The following MPRIP variants were observed in gnomAD, a reference collection of about 807,000 sequenced individuals.
The protein encoded by MPRIP is myosin phosphatase Rho-interacting protein.
MPRIP carries 59 observed loss-of-function variants against 234.9 expected under a neutral mutation model. That is an observed-to-expected ratio of 0.25 (90% CI 0.20 to 0.31). The LOEUF is 0.31. Ranked by LOEUF, MPRIP falls within the 10% of genes least tolerant of loss-of-function variation. MPRIP has a pLI of 1.00. For synonymous variants in MPRIP, 1,144 were observed against 1,263.9 expected (o/e 0.91, Z 2.01); for missense variants, 2,436 against 3,071.0 (o/e 0.79, Z 4.89).
intron 3 of MPRIP, among the ~76,000 whole-genome samples, chr17:17,102,160 T>C (rs2144224495): frequency 6.6e-6 from 1 of 152,242 alleles, no homozygotes; most frequent in East Asian, 1.9e-4. Flanking sequence ...AACGCTGGAA[T>C]TACAGGCATG....
rs1290357911 is a variant in MPRIP, at chr17:17,189,965, T to G, written c.*5071T>G. 2 of 152,254 alleles carry G rather than the reference T, an allele frequency of 1.3e-5. No homozygotes were observed. Among genetic ancestry groups the G allele is most frequent in the Non-Finnish European group, 2.9e-5 (2 of 68,044 alleles). The allele number at this position is 152,254 out of a possible 1,614,324, so 9.4% of individuals were successfully genotyped here. A position where few individuals can be genotyped will look rare whatever the true frequency, so the allele number is the denominator to read the frequency against. ...GGGAACTTGCTTATTAAAAAGTTCCTTAGAATTAAGGTATCTACCCACTGT... is the reference window on the plus strand; with the variant it reads ...GGGAACTTGCTTATTAAAAAGTTCCGTAGAATTAAGGTATCTACCCACTGT... On this transcript the variant is annotated 3_prime_UTR_variant, in exon 24 of 24. Transcript: ENST00000651222.
intron 3 of MPRIP, among the ~76,000 whole-genome samples, chr17:17,086,706 G>A (rs1031020268): frequency 5.3e-5 from 8 of 152,184 alleles, no homozygotes; most frequent in Non-Finnish European, 2.9e-5. Flanking sequence ...TAGAGGGTAG[G>A]GGTCATAAGG....
intron 3 of MPRIP, among the ~76,000 whole-genome samples, chr17:17,101,694 T>C (rs892939381): frequency 6.6e-6 from 1 of 152,238 alleles, no homozygotes; most frequent in Non-Finnish European, 1.5e-5. Flanking sequence ...GTGTATATAT[T>C]TTCCTGCCTG....
At chr17:17,076,673 C>G (rs2089336245) in intron 2 of MPRIP, among the ~76,000 whole-genome samples, 1 of 152,172 alleles carries the variant, frequency 6.6e-6, no homozygotes, top group South Asian at 2.1e-4. Context: ...CTCTACAAGG[C>G]CTCTTTGCAA....
Position 17,164,718 on chromosome 17 carries a change from G to C in MPRIP, c.3127G>C (p.Val1043Leu). 7.7e-7 allele frequency: 1 copy of C among 1,293,732 alleles called. No homozygotes were observed. The highest frequency in any genetic ancestry group is 1.0e-6 in the Non-Finnish European group (1 of 985,136). The allele number at this position is 1,293,732 out of a possible 1,614,324, so 80.1% of individuals were successfully genotyped here. A position where few individuals can be genotyped will look rare whatever the true frequency, so the allele number is the denominator to read the frequency against. The change falls in exon 16 of 24, where the codon GTG (valine) becomes CTG (leucine). Residue 1043 changes from valine to leucine, a missense_variant. Val to Leu is a conservative substitution (Grantham distance 32, BLOSUM62 1). Transcript: ENST00000651222. ...GGCATTGCTGCAGAACCTAAAGGAA[G>C]TGGAAGACAAGGCCAGCGCCTATGA... ...KQALLQNLKE[V>L]EDKASAYEDQ...
chr17:17,118,485 G>A (rs1373482178), intron 3 of MPRIP, among the ~76,000 whole-genome samples: 1 of 152,210 alleles, frequency 6.6e-6, no homozygotes, highest in East Asian at 1.9e-4. Context: ...GACACCTGAG[G>A]ACAGGCATTG....
chr17:17,107,411 G>T (rs867594599), intron 3 of MPRIP, among the ~76,000 whole-genome samples: 1 of 152,224 alleles, frequency 6.6e-6, no homozygotes, highest in East Asian at 1.9e-4. Context: ...CCAGACAGAG[G>T]CTGGGTGCTA....
intron 1 of MPRIP, among the ~76,000 whole-genome samples, chr17:17,072,621 C>A (rs1437328823): frequency 6.6e-6 from 1 of 152,028 alleles, no homozygotes; most frequent in Non-Finnish European, 1.5e-5. Context: ...TCGGGGAAGC[C>A]CTGAGGGATG....
In MPRIP at chr17:17,165,309, G is replaced by C. The variant is rs1241000069; in HGVS notation, c.3718G>C (p.Asp1240His). The change falls in exon 16 of 24, where the codon GAT (aspartate) becomes CAT (histidine). Residue 1240 changes from aspartate (D) to histidine (H), a missense_variant. Asp to His is a moderately conservative substitution (Grantham distance 81). Coordinates refer to ENST00000651222, the MANE Select transcript of MPRIP (RefSeq NM_001364716.4). Reference sequence around the variant, plus strand: ...GAGTACCCCTGAAGAGACAGAAAGGGATGGCACTTTGCTCCCAGGCCAACC... The same window carrying C: ...GAGTACCCCTGAAGAGACAGAAAGGCATGGCACTTTGCTCCCAGGCCAACC... The part of the protein sequence containing the change: ...PRSTPEETER[D>H]GTLLPGQPVQ... The C allele has an allele frequency of 3.2e-5, 42 of 1,303,968 alleles. No homozygotes were observed. The highest frequency in any genetic ancestry group is 4.2e-5 in the Non-Finnish European group (42 of 988,984). 80.8% of individuals were successfully genotyped at this position (1,303,968 alleles called of 1,614,324 possible).
intron 4 of MPRIP, among the ~76,000 whole-genome samples, chr17:17,131,016 G>A (rs1251776453): frequency 6.6e-6 from 1 of 152,188 alleles, no homozygotes; most frequent in Non-Finnish European, 1.5e-5. Flanking sequence ...TGCTTTTGCT[G>A]TGTTCCCTTG....
At chr17:17,070,708 G>T (rs1387894003) in intron 1 of MPRIP, among the ~76,000 whole-genome samples, 1 of 152,176 alleles carries the variant, frequency 6.6e-6, no homozygotes, top group Non-Finnish European at 1.5e-5. Context: ...ATCTTTAAAT[G>T]TGGGATAATT....
intron 10 of MPRIP, 87 bp from the exon 11 acceptor site, chr17:17,147,232 C>A: frequency 1.5e-6 from 2 of 1,318,944 alleles, no homozygotes; most frequent in Non-Finnish European, 2.2e-6. Flanking sequence ...GAGGGCCCCA[C>A]AGGCTCTGGC....
Position 17,065,169 on chromosome 17 carries a change from T to C in MPRIP, c.124-10541T>C, listed in dbSNP as rs537996342. Among the ~76,000 whole-genome samples the C allele has an allele frequency of 3.9e-5, 6 of 152,312 alleles. No individual in the cohort carries two copies. In the East Asian group the frequency reaches 1.2e-3, roughly 29 times the overall value. On this transcript the variant is annotated intron_variant, in intron 1 of 23. Transcript: ENST00000651222. ...TGAGTTTGAGGGTCTTTATATAGTC[T>C]AAATACTAGTATATAGTCTAGATAT...
chr17:17,085,988 C>T (rs771096004), intron 3 of MPRIP, among the ~76,000 whole-genome samples: 7 of 152,158 alleles, frequency 4.6e-5, no homozygotes, highest in Non-Finnish European at 2.9e-5. Flanking sequence ...GCCCAGAGGC[C>T]CAGATCACAG....
chr17:17,055,673 C>T (rs2088672202), intron 1 of MPRIP, among the ~76,000 whole-genome samples: 2 of 152,238 alleles, frequency 1.3e-5, no homozygotes, highest in African/African-American at 4.8e-5. Context: ...CAGCCCACTA[C>T]TTCTCAATTC....
intron 3 of MPRIP, among the ~76,000 whole-genome samples, chr17:17,091,479 C>T (rs2089716254): frequency 1.3e-5 from 2 of 152,162 alleles, no homozygotes; most frequent in Non-Finnish European, 2.9e-5. Context: ...CAGTGAGCGA[C>T]CAAGAGAGAC....
intron 1 of MPRIP, chr17:17,057,689 A>G: frequency 7.0e-6 from 5 of 718,072 alleles, no homozygotes; most frequent in Non-Finnish European, 1.3e-5. Flanking sequence ...ATGATGCACG[A>G]ATGTTCTCAT....
intron 13 of MPRIP, among the ~76,000 whole-genome samples, chr17:17,155,769 C>T (rs1377664630): frequency 6.6e-6 from 1 of 152,222 alleles, no homozygotes; most frequent in Non-Finnish European, 1.5e-5. Context: ...AGAGAGCTGG[C>T]TTGTTGTCTA....
At chr17:17,157,319 A>C (rs1347022299) in intron 13 of MPRIP, among the ~76,000 whole-genome samples, 1 of 152,198 alleles carries the variant, frequency 6.6e-6, no homozygotes, top group African/African-American at 2.4e-5. Flanking sequence ...CACCATGAGC[A>C]CGACCTGCGC....
Sources: gnomAD v4.1 joint callset for allele counts (sites outside exome capture counted in the v4.1 genomes callset) on GRCh38, gnomAD v4.1.1 for gene constraint, MANE v1.5 for transcripts, NCBI Gene and HGNC (gene_info 2026-07-23, HGNC 2026-07-21) for gene names.